The following ATP8A2 variants were observed in gnomAD, a reference collection of about 807,000 sequenced individuals.
ATP8A2 encodes ATPase phospholipid transporting 8A2.
Under a neutral mutation model 165.6 loss-of-function variants are expected in ATP8A2, and 100 were observed. The observed-to-expected ratio is 0.60, with a 90% CI of 0.51 to 0.71. The LOEUF is 0.71. ATP8A2 is among the 30% of genes least tolerant of loss of function. The probability of loss-of-function intolerance (pLI) is 0.00; values close to 1 mark genes in which losing one functional copy is unlikely to be tolerated. For synonymous variants in ATP8A2, 543 were observed against 548.8 expected, an observed-to-expected ratio of 0.99 and a Z score of 0.15; for missense variants, 1,227 against 1,479.5, an observed-to-expected ratio of 0.83 and a Z score of 2.80.
At chr13:25,785,346 G>A (rs1046592788) in intron 27 of ATP8A2, among the ~76,000 whole-genome samples, 4 of 152,006 alleles carry the variant, frequency 2.6e-5, no homozygotes, top group Admixed American at 6.6e-5. Flanking sequence ...GCTGCAATAA[G>A]CTGAGAGTGA....
At chr13:25,405,862 A>C (rs544226740) in intron 1 of ATP8A2, among the ~76,000 whole-genome samples, 346 of 152,372 alleles carry the variant, frequency 2.3e-3, no homozygotes, top group Non-Finnish European at 3.5e-3. Context: ...CGATTTATCC[A>C]TAGGCACACA....
chr13:25,931,727 C>T (rs1593581083), intron 33 of ATP8A2, among the ~76,000 whole-genome samples: 2 of 152,220 alleles, frequency 1.3e-5, no homozygotes, highest in South Asian at 4.2e-4. Context: ...GAGCCTTCAT[C>T]AGAGTGTGAA....
chr13:25,920,145 T>C (rs1429257237), intron 33 of ATP8A2, among the ~76,000 whole-genome samples: 2 of 152,144 alleles, frequency 1.3e-5, no homozygotes, highest in Non-Finnish European at 2.9e-5. Flanking sequence ...CAGATTCTTT[T>C]TGTGTTCCAG....
intron 36 of ATP8A2, among the ~76,000 whole-genome samples, chr13:26,014,893 T>TG (rs1956932598): frequency 1.3e-5 from 2 of 152,224 alleles, no homozygotes; most frequent in South Asian, 4.1e-4. Flanking sequence ...CATGACAGCA[T>TG]GTGTAAAGCA....
At chr13:25,931,951 G>A (rs1020112298) in intron 33 of ATP8A2, among the ~76,000 whole-genome samples, 3 of 151,910 alleles carry the variant, frequency 2.0e-5, no homozygotes, top group South Asian at 2.1e-4. Flanking sequence ...GGGAGGCCGA[G>A]GCAGGAGAAT....
At chr13:25,675,802 C>A (rs987660269) in intron 24 of ATP8A2, among the ~76,000 whole-genome samples, 1 of 152,086 alleles carries the variant, frequency 6.6e-6, no homozygotes, top group Non-Finnish European at 1.5e-5. Context: ...TTGGATGCTG[C>A]TGATGGAGTT....
chr13:25,375,692 C>G, intron 1 of ATP8A2, among the ~76,000 whole-genome samples: 1 of 152,028 alleles, frequency 6.6e-6, no homozygotes, highest in East Asian at 1.9e-4. Flanking sequence ...GCTGCCTCAG[C>G]CTCCCAAGTA....
intron 33 of ATP8A2, among the ~76,000 whole-genome samples, chr13:25,893,011 G>T (rs995096688): frequency 6.6e-6 from 1 of 151,790 alleles, no homozygotes; most frequent in East Asian, 1.9e-4. Context: ...TGTAGCGTAA[G>T]TCCAGAGAAG....
At chr13:25,594,971 GGT>G (rs540426532) in intron 24 of ATP8A2, among the ~76,000 whole-genome samples, 2,284 of 113,632 alleles carry the variant, frequency 0.02, 64 homozygotes, top group African/African-American at 0.074. Context: ...AAGAAACTGT[GGT>G]GTGTGTGTGT....
chr13:25,971,408 C>T (rs539985485), intron 35 of ATP8A2, among the ~76,000 whole-genome samples: 18 of 152,134 alleles, frequency 1.2e-4, no homozygotes, highest in Admixed American at 2.6e-4. Flanking sequence ...CAGCTCTGTC[C>T]TCCCTTCTAA....
intron 2 of ATP8A2, among the ~76,000 whole-genome samples, chr13:25,497,828 G>A (rs2036725423): frequency 6.6e-6 from 1 of 151,960 alleles, no homozygotes; most frequent in South Asian, 2.1e-4. Flanking sequence ...TGGGTGTGGG[G>A]GCAGGCACCT....
At chr13:25,907,000 C>T (rs547953231) in intron 33 of ATP8A2, among the ~76,000 whole-genome samples, 11 of 152,294 alleles carry the variant, frequency 7.2e-5, no homozygotes, top group South Asian at 4.1e-4. Context: ...GAGGCTGAAG[C>T]GGGCGGATCA....
intron 24 of ATP8A2, among the ~76,000 whole-genome samples, chr13:25,683,610 G>T (rs1008827776): frequency 5.3e-5 from 8 of 152,110 alleles, no homozygotes; most frequent in African/African-American, 1.9e-4. Context: ...AATTACAAAT[G>T]GTGGCTTCTG....
chr13:25,993,671 T>A (rs1054162879), intron 35 of ATP8A2, among the ~76,000 whole-genome samples: 2 of 152,206 alleles, frequency 1.3e-5, no homozygotes, highest in African/African-American at 4.8e-5. Flanking sequence ...TGTGAGCCTG[T>A]TTTTTGTTTC....
chr13:25,871,033 G>A (rs1952662713), intron 33 of ATP8A2, among the ~76,000 whole-genome samples: 1 of 151,344 alleles, frequency 6.6e-6, no homozygotes, highest in African/African-American at 2.4e-5. Context: ...CTCCATTTTG[G>A]CAGTTTATTT....
chr13:25,906,895 A>C (rs886122801), intron 33 of ATP8A2, among the ~76,000 whole-genome samples: 3 of 152,208 alleles, frequency 2.0e-5, no homozygotes, highest in African/African-American at 7.2e-5. Flanking sequence ...AAACAGATAG[A>C]AAAGACTCAC....
chr13:25,920,792 G>A lies in ATP8A2; in HGVS notation c.3184-40783G>A, dbSNP rs73155933. The stretch of plus-strand genomic sequence containing the variant: ...ATTTATGATCTGAGAAAAACTGTTC[G>A]CATCCAGAGGGCAGGCTGGGCCTGC... On this transcript the variant is annotated intron_variant, in intron 33 of 36. Coordinates refer to ENST00000381655, the MANE Select transcript of ATP8A2 (RefSeq NM_016529.6). 1.0e-3 allele frequency among the ~76,000 whole-genome samples: 155 copies of A among 152,242 alleles called. 1 individual carries two copies. The highest frequency in any genetic ancestry group is 3.9e-4 in the East Asian group (2 of 5,184).
intron 26 of ATP8A2, among the ~76,000 whole-genome samples, chr13:25,771,204 G>C (rs773263342): frequency 6.6e-6 from 1 of 152,212 alleles, no homozygotes; most frequent in African/African-American, 2.4e-5. Context: ...GGGTTCCTTC[G>C]TATCAGGTGA....
chr13:25,827,426 A>G (rs1229289874), intron 27 of ATP8A2, among the ~76,000 whole-genome samples: 1 of 152,104 alleles, frequency 6.6e-6, no homozygotes, highest in Non-Finnish European at 1.5e-5. Flanking sequence ...ACAGTGTTTT[A>G]TCCCTTGTCA....
Sources: gnomAD v4.1 joint callset for allele counts (sites outside exome capture counted in the v4.1 genomes callset) on GRCh38, gnomAD v4.1.1 for gene constraint, MANE v1.5 for transcripts, NCBI Gene and HGNC (gene_info 2026-07-23, HGNC 2026-07-21) for gene names.